The following FER variants were observed in gnomAD, a reference collection of about 807,000 sequenced individuals.
FER encodes FER tyrosine kinase.
In FER, 63 loss-of-function variants were observed where a neutral mutation model predicts 111.0. The ratio of observed to expected loss-of-function variants is 0.57; its 90% CI spans 0.46 to 0.70. The LOEUF is 0.70. FER is among the 30% of genes least tolerant of loss of function. The pLI is 0.00. For synonymous variants in FER, 327 were observed against 313.9 expected (o/e 1.04, Z -0.44); for missense variants, 914 against 954.0 (o/e 0.96, Z 0.55).
At chr5:108,749,382 G>T (rs1199764910) in intron 1 of FER, among the ~76,000 whole-genome samples, 1 of 152,052 alleles carries the variant, frequency 6.6e-6, no homozygotes, top group Admixed American at 6.5e-5. Flanking sequence ...CCCGTCGCGG[G>T]GTCTGGGGGC....
intron 14 of FER, among the ~76,000 whole-genome samples, chr5:109,039,287 C>T (rs76792103): frequency 0.01 from 1,545 of 151,708 alleles, 23 homozygotes; most frequent in African/African-American, 0.036. Context: ...CAGCTATAGT[C>T]GATAGTTGGT....
chr5:109,034,175 A>G (rs897510829), intron 13 of FER, among the ~76,000 whole-genome samples: 1 of 152,124 alleles, frequency 6.6e-6, no homozygotes, highest in African/African-American at 2.4e-5. Context: ...GCTGACCAAC[A>G]TTCTGTTCTC....
intron 3 of FER, among the ~76,000 whole-genome samples, chr5:108,814,505 A>G (rs180939257): frequency 1.3e-5 from 2 of 152,336 alleles, no homozygotes; most frequent in Admixed American, 1.3e-4. Flanking sequence ...GTGCTCTGTT[A>G]CAAGGGTTTG....
intron 19 of FER, among the ~76,000 whole-genome samples, 178 bp from the exon 20 acceptor site, chr5:109,187,255 T>C: frequency 6.6e-6 from 1 of 152,202 alleles, no homozygotes; most frequent in Middle Eastern, 3.2e-3. Context: ...GACTCTGTAA[T>C]ATTGAATTCT....
At chr5:108,946,527 T>G (rs2149627403) in intron 11 of FER, among the ~76,000 whole-genome samples, 1 of 152,116 alleles carries the variant, frequency 6.6e-6, no homozygotes, top group South Asian at 2.1e-4. Context: ...GTACTTTGAT[T>G]CTTACTGGAA....
At chr5:109,147,301 T>G (rs1754329764) in intron 17 of FER, among the ~76,000 whole-genome samples, 2 of 151,988 alleles carry the variant, frequency 1.3e-5, no homozygotes, top group African/African-American at 4.8e-5. Context: ...AATAAGGATA[T>G]GGGAAAACAG....
At chr5:108,850,690 T>A (rs2150185508) in intron 5 of FER, among the ~76,000 whole-genome samples, 1 of 152,312 alleles carries the variant, frequency 6.6e-6, no homozygotes, top group South Asian at 2.1e-4. Flanking sequence ...GCAAAGAATA[T>A]CTGTGTATTC....
chr5:109,070,972 T>C (rs1261860762), intron 16 of FER, among the ~76,000 whole-genome samples: 2 of 152,014 alleles, frequency 1.3e-5, no homozygotes, highest in African/African-American at 4.8e-5. Context: ...ATCTATCGTA[T>C]GGCAGCTTTG....
chr5:109,074,864 A>G (rs1776143027), intron 16 of FER, among the ~76,000 whole-genome samples: 1 of 152,252 alleles, frequency 6.6e-6, no homozygotes, highest in Non-Finnish European at 1.5e-5. Context: ...TGCTGTGCTA[A>G]GTATTCATAA....
At chr5:108,839,583 T>C (rs1275156660) in intron 5 of FER, among the ~76,000 whole-genome samples, 2 of 144,226 alleles carry the variant, frequency 1.4e-5, no homozygotes, top group Non-Finnish European at 3.0e-5. Context: ...TTTTTTTTTT[T>C]TTTTTTTTTT....
intron 9 of FER, chr5:108,894,583 C>T (rs1012411454): frequency 4.3e-5 from 17 of 398,898 alleles, no homozygotes; most frequent in African/African-American, 6.2e-5. Flanking sequence ...TTGAGTTCCA[C>T]GACCACATGC....
intron 17 of FER, among the ~76,000 whole-genome samples, chr5:109,152,542 T>G (rs1370760313): frequency 6.6e-6 from 1 of 151,980 alleles, no homozygotes; most frequent in Non-Finnish European, 1.5e-5. Flanking sequence ...GGAAAAGTAT[T>G]GAATTATGAT....
chr5:109,081,727 G>T (rs142619919), intron 16 of FER, among the ~76,000 whole-genome samples: 43 of 152,090 alleles, frequency 2.8e-4, no homozygotes, highest in Middle Eastern at 6.8e-3. Flanking sequence ...GTAAGTCTTA[G>T]AACCTAGTTC....
At chr5:108,785,646 C>G (rs1580514542) in intron 2 of FER, 2 of 346,540 alleles carry the variant, frequency 5.8e-6, no homozygotes, top group Admixed American at 3.8e-5. Flanking sequence ...GAGAGTGTTT[C>G]CCCTGGCTGT....
At chr5:108,891,181 G>C (rs1041894589) in intron 9 of FER, among the ~76,000 whole-genome samples, 3 of 151,984 alleles carry the variant, frequency 2.0e-5, no homozygotes, top group African/African-American at 7.2e-5. Context: ...TCCTGTTTTC[G>C]TGAAATACCT....
At chr5:109,062,568 T>C (rs1428072546) in intron 16 of FER, among the ~76,000 whole-genome samples, 3 of 152,016 alleles carry the variant, frequency 2.0e-5, no homozygotes, top group Non-Finnish European at 4.4e-5. Context: ...TTATGTTATA[T>C]GTAAAATATG....
chr5:108,812,846 A>G (rs1379340488), intron 3 of FER, among the ~76,000 whole-genome samples: 1 of 152,098 alleles, frequency 6.6e-6, no homozygotes, highest in African/African-American at 2.4e-5. Context: ...GCAAGAGTAT[A>G]CTTCAGTTTC....
intron 3 of FER, among the ~76,000 whole-genome samples, chr5:108,819,233 C>G (rs1022329052): frequency 6.7e-6 from 1 of 149,694 alleles, no homozygotes; most frequent in Non-Finnish European, 1.5e-5. Context: ...CTTTTGCCCA[C>G]GCTCGTCTTG....
chr5:108,867,763 T>C lies in FER; in HGVS notation c.482-4T>C, dbSNP rs1210923603. ...TAACTTTCTTCAGTTTTTTTTTTTT[T>C]CAGGGAAGGAAACTGAAAAGGCCAA... On this transcript the variant is annotated splice_polypyrimidine_tract_variant and splice_region_variant and intron_variant, in intron 5 of 19. Transcript: ENST00000281092. 3.8e-6 allele frequency: 6 copies of C among 1,589,558 alleles called. No homozygotes were observed. The African/African-American group carries it at 5.5e-5, about 15-fold the overall frequency.
Sources: gnomAD v4.1 joint callset for allele counts (sites outside exome capture counted in the v4.1 genomes callset) on GRCh38, gnomAD v4.1.1 for gene constraint, MANE v1.5 for transcripts, NCBI Gene and HGNC (gene_info 2026-07-23, HGNC 2026-07-21) for gene names.